The following SP3 variants were observed in gnomAD, a reference collection of about 807,000 sequenced individuals.
SP3 encodes transcription factor Sp3.
A neutral mutation model predicts 70.3 loss-of-function variants in SP3; 10 were observed. That is an observed-to-expected ratio of 0.14 (90% CI 0.09 to 0.24). The LOEUF is 0.24. SP3 is among the 10% of genes least tolerant of loss of function. The probability of loss-of-function intolerance (pLI) is 1.00; values close to 1 mark genes in which losing one functional copy is unlikely to be tolerated. For synonymous variants in SP3, 402 were observed against 333.5 expected (o/e 1.21, Z -2.24); for missense variants, 825 against 914.6 (o/e 0.90, Z 1.26).
chr2:173,915,443 CTTGA>C (rs1163616009), intron 5 of SP3: 1 of 152,100 alleles, frequency 6.6e-6, no homozygotes, highest in Non-Finnish European at 1.5e-5. Flanking sequence ...AAGTTTTCTT[CTTGA>C]TTAATATCCA....
At position 173,908,781 on chromosome 2, in the gene SP3, A is replaced by C. The variant is rs1689394216; in HGVS notation, c.*1160T>G. 6.6e-6 allele frequency: 1 copy of C among 152,412 alleles called. No homozygotes were observed. Among genetic ancestry groups the C allele is most frequent in the African/African-American group, 2.4e-5 (1 of 41,454 alleles). 9.4% of individuals were successfully genotyped at this position (152,412 alleles called of 1,614,324 possible). A position where few individuals can be genotyped will look rare whatever the true frequency, so the allele number is the denominator to read the frequency against. On this transcript the variant is annotated 3_prime_UTR_variant, in exon 7 of 7. Coordinates refer to ENST00000310015, the MANE Select transcript of SP3 (RefSeq NM_003111.5). Reference sequence around the variant, plus strand: ...TGAAAATATAAACAATAATTAAAAAATAAAAAGAAAATACAGCATAATAAA... The same window carrying C: ...TGAAAATATAAACAATAATTAAAAACTAAAAAGAAAATACAGCATAATAAA...
At position 173,965,249 on chromosome 2, in the gene SP3, A is replaced by C. The variant is rs1265560830; in HGVS notation, c.-78T>G. 6.7e-7 allele frequency: 1 copy of C among 1,501,934 alleles called. No homozygotes were observed. Among genetic ancestry groups the C allele is most frequent in the Admixed American group, 2.1e-5 (1 of 48,688 alleles). 93.0% of individuals were successfully genotyped at this position (1,501,934 alleles called of 1,614,324 possible). ...GGAGCGAAGGCGGCGGCGGCGGGAG[A>C]GGATGCGGGAAGCGGCGGCGGACAC... On this transcript the variant is annotated 5_prime_UTR_variant, in exon 1 of 7. Transcript: ENST00000310015.
chr2:173,964,314 G>A (rs1419864663), intron 2 of SP3, 91 bp downstream of exon 2: 6 of 600,496 alleles, frequency 1.0e-5, no homozygotes, highest in South Asian at 1.8e-5. Flanking sequence ...GAGACGAGGA[G>A]GGAGGGGTGA....
Position 173,902,210 on chromosome 2 carries a change from T to TC in SP3, c.*7730dup. Reference sequence around the variant, plus strand: ...TATATCCATTGCTTAGTTTTTCAGGTCCCTTTTAAATTTCTTACTTATACT... The same window carrying TC: ...TATATCCATTGCTTAGTTTTTCAGGTCCCCTTTTAAATTTCTTACTTATACT... On this transcript the variant is annotated 3_prime_UTR_variant, in exon 7 of 7. Transcript: ENST00000310015. 1.3e-5 allele frequency among the ~76,000 whole-genome samples: 2 copies of TC among 152,330 alleles called. No homozygotes were observed. Among genetic ancestry groups the TC allele is most frequent in the East Asian group, 3.9e-4 (2 of 5,186 alleles).
chr2:173,962,552 TG>T (rs1188036704), intron 3 of SP3, among the ~76,000 whole-genome samples: 1 of 152,060 alleles, frequency 6.6e-6, no homozygotes, highest in African/African-American at 2.4e-5. Context: ...AATCTGCTTA[TG>T]AAAAAACAAG....
rs201654556 is a variant in SP3, at chr2:173,924,468, C to T, written c.1640-5683G>A. ...AGTTAAGCCCCTGTTAAGGGGACTC[C>T]TACTCTCTCCAATGATGAATATGAT... On this transcript the variant is annotated intron_variant, in intron 4 of 6. Coordinates refer to ENST00000310015, the MANE Select transcript of SP3 (RefSeq NM_003111.5). Among the ~76,000 whole-genome samples the T allele has an allele frequency of 2.2e-4, 34 of 152,320 alleles. No homozygotes were observed. In the East Asian group the frequency reaches 5.8e-3, roughly 26 times the overall value.
chr2:173,910,864 C>T (rs914373294), intron 6 of SP3, among the ~76,000 whole-genome samples: 2 of 152,104 alleles, frequency 1.3e-5, no homozygotes, highest in South Asian at 4.1e-4. Flanking sequence ...AATCCTGATG[C>T]CTAAATTTAT....
In SP3 at chr2:173,904,477, T is replaced by C. The variant is rs1450668824; in HGVS notation, c.*5464A>G. On this transcript the variant is annotated 3_prime_UTR_variant, in exon 7 of 7. Transcript: ENST00000310015. The stretch of plus-strand genomic sequence containing the variant: ...GCTATCTTGTGGAACCCCAGGAGGA[T>C]GAAATGCAGATAGTGAAATGCAAGA... 6.6e-6 allele frequency among the ~76,000 whole-genome samples: 1 copy of C among 152,062 alleles called. No homozygotes were observed. The highest frequency in any genetic ancestry group is 1.9e-4 in the East Asian group (1 of 5,144).
At chr2:173,920,573 A>C (rs1689724609) in intron 4 of SP3, among the ~76,000 whole-genome samples, 1 of 151,920 alleles carries the variant, frequency 6.6e-6, no homozygotes, top group Non-Finnish European at 1.5e-5. Context: ...CATTTTTACT[A>C]AGCATCTCAA....
Position 173,906,407 on chromosome 2 carries a change from T to A in SP3, c.*3534A>T, listed in dbSNP as rs1331092091. On this transcript the variant is annotated 3_prime_UTR_variant, in exon 7 of 7. Transcript: ENST00000310015. ...TTTGTACCAAAGATATCAATTAATTTGTTTTGTGCTTATTGTCAGACAACA... is the reference window on the plus strand; with the variant it reads ...TTTGTACCAAAGATATCAATTAATTAGTTTTGTGCTTATTGTCAGACAACA... 1 of 152,238 alleles carries A rather than the reference T, an allele frequency of 6.6e-6. No individual in the cohort carries two copies. Among genetic ancestry groups the A allele is most frequent in the Non-Finnish European group, 1.5e-5 (1 of 68,038 alleles). The allele number at this position is 152,238 out of a possible 1,614,324, so 9.4% of individuals were successfully genotyped here.
In SP3 at chr2:173,909,977, C is replaced by G; in HGVS notation, c.2310G>C (p.Gln770His). 3.1e-6 allele frequency: 5 copies of G among 1,613,832 alleles called. No individual in the cohort carries two copies. The highest frequency in any genetic ancestry group is 4.2e-6 in the Non-Finnish European group (5 of 1,179,786). The change falls in exon 7 of 7, where the codon CAG (glutamine) becomes CAC (histidine). Residue 770 changes from glutamine (Q) to histidine (H), a missense_variant. By Grantham distance (24) the Gln-to-His change is conservative (BLOSUM62 0). Transcript: ENST00000310015. ...DILTNTEIPL[Q>H]LVTVSGNETM... ...TCTCATTTCCAGAAACTGTGACAAG[C>G]TGTAAAGGTATTTCAGTGTTGGTAA...
chr2:173,944,389 G>A (rs1690472916), intron 4 of SP3, among the ~76,000 whole-genome samples: 1 of 152,096 alleles, frequency 6.6e-6, no homozygotes, highest in Non-Finnish European at 1.5e-5. Flanking sequence ...CACAAGATTA[G>A]CCAGGTGTGG....
chr2:173,916,843 C>A (rs981307652), intron 5 of SP3: 1 of 151,990 alleles, frequency 6.6e-6, no homozygotes, highest in Non-Finnish European at 1.5e-5. Flanking sequence ...AAATTCCCAA[C>A]AAAAGATGTT....
At position 173,914,811 on chromosome 2, in the gene SP3, T is replaced by TA. The variant is rs1445663024; in HGVS notation, c.1833-1546dup. 3.3e-5 allele frequency: 5 copies of TA among 152,318 alleles called. No individual in the cohort carries two copies. The East Asian group carries it at 9.6e-4, about 29-fold the overall frequency. The allele number at this position is 152,318 out of a possible 1,614,324, so 9.4% of individuals were successfully genotyped here. A position where few individuals can be genotyped will look rare whatever the true frequency, so the allele number is the denominator to read the frequency against. On this transcript the variant is annotated intron_variant, in intron 5 of 6. Coordinates refer to ENST00000310015, the MANE Select transcript of SP3 (RefSeq NM_003111.5). ...TGGCTCCCTTGCAATGCCAAAGTCTTACTAACCAAAGCCAATATTGATTCC... is the reference window on the plus strand; with the variant it reads ...TGGCTCCCTTGCAATGCCAAAGTCTTAACTAACCAAAGCCAATATTGATTCC...
chr2:173,960,976 A>G (rs962551600), intron 3 of SP3, among the ~76,000 whole-genome samples: 1 of 152,166 alleles, frequency 6.6e-6, no homozygotes, highest in Non-Finnish European at 1.5e-5. Context: ...ACTCTGTCTC[A>G]AAAAAATAAA....
chr2:173,955,410 G>T lies in SP3; in HGVS notation c.1102C>A (p.Leu368Ile), dbSNP rs753923168. Residue 368 changes from leucine to isoleucine, a missense_variant, in exon 4 of 7, where the codon CTT becomes ATT. By Grantham distance (5) the Leu-to-Ile change is conservative. Coordinates refer to ENST00000310015, the MANE Select transcript of SP3 (RefSeq NM_003111.5). Reference sequence around the variant, plus strand: ...GGCGACTGGATATAATTTCCCTGAAGATCTGAAGAATGAACCTGCCCACTA... The same window carrying T: ...GGCGACTGGATATAATTTCCCTGAATATCTGAAGAATGAACCTGCCCACTA... ...TSSGQVHSSDLQGNYIQSPVS... is the reference protein window; with the variant it reads ...TSSGQVHSSDIQGNYIQSPVS... 10 of 1,613,976 alleles carry T rather than the reference G, an allele frequency of 6.2e-6. No individual in the cohort carries two copies. The highest frequency in any genetic ancestry group is 8.5e-6 in the Non-Finnish European group (10 of 1,180,030).
At position 173,903,443 on chromosome 2, in the gene SP3, T is replaced by C. The variant is rs963920650; in HGVS notation, c.*6498A>G. On this transcript the variant is annotated 3_prime_UTR_variant, in exon 7 of 7. Transcript: ENST00000310015. ...ACCTATGCACTTAATCACTATATTA[T>C]GCTATGAAAGGTTTCAACTTTACTA... Among the ~76,000 whole-genome samples the C allele has an allele frequency of 5.9e-5, 9 of 152,132 alleles. No individual in the cohort carries two copies. The highest frequency in any genetic ancestry group is 1.0e-4 in the Non-Finnish European group (7 of 68,032).
intron 1 of SP3, 119 bp downstream of exon 1, chr2:173,965,046 C>T (rs985494716): frequency 5.8e-5 from 79 of 1,366,380 alleles, no homozygotes; most frequent in Non-Finnish European, 7.9e-5. Flanking sequence ...TTCTGCCTCT[C>T]ACAGACACTC....
chr2:173,923,146 G>GTTTT (rs554726810), intron 4 of SP3, among the ~76,000 whole-genome samples: 1 of 150,648 alleles, frequency 6.6e-6, no homozygotes, highest in Admixed American at 6.6e-5. Flanking sequence ...AAACAGCACT[G>GTTTT]TTTTTTTATG....
Sources: gnomAD v4.1 joint callset for allele counts (sites outside exome capture counted in the v4.1 genomes callset) on GRCh38, gnomAD v4.1.1 for gene constraint, MANE v1.5 for transcripts, NCBI Gene and HGNC (gene_info 2026-07-23, HGNC 2026-07-21) for gene names.